Variants in FAM227B observed in about 807,000 individuals in gnomAD.
FAM227B encodes protein FAM227B.
Under a neutral mutation model 73.8 loss-of-function variants are expected in FAM227B, and 88 were observed. That is an observed-to-expected ratio of 1.19 (90% CI 1.00 to 1.42). The LOEUF is 1.42. FAM227B is among the 40% of genes most tolerant of loss of function. The probability of loss-of-function intolerance (pLI) is 0.00; values close to 1 mark genes in which losing one functional copy is unlikely to be tolerated. For synonymous variants in FAM227B, 210 were observed against 190.5 expected (o/e 1.10, Z -0.84); for missense variants, 632 against 590.9 (o/e 1.07, Z -0.72).
At chr15:49,613,992 G>A (rs1314650449) in intron 2 of FAM227B, among the ~76,000 whole-genome samples, 4 of 152,122 alleles carry the variant, frequency 2.6e-5, no homozygotes, top group South Asian at 2.1e-4. Flanking sequence ...TTGGCTAGAA[G>A]GAACTCACAA....
rs78070775 is a variant in FAM227B, at chr15:49,518,460, C to A, written c.875-10112G>T. ...ATTTCATACTGCTATGAAGAAAATA[C>A]CCCAGACTGGGTAATTTATCAAGAA... On this transcript the variant is annotated intron_variant, in intron 10 of 15. Coordinates refer to ENST00000299338, the MANE Select transcript of FAM227B (RefSeq NM_152647.3). Among the ~76,000 whole-genome samples the A allele has an allele frequency of 4.6e-3, 705 of 152,124 alleles. 4 individuals carry two copies. Among genetic ancestry groups the A allele is most frequent in the Middle Eastern group, 0.01 (3 of 294 alleles).
chr15:49,454,773 C>G (rs368755399), intron 11 of FAM227B, among the ~76,000 whole-genome samples: 2 of 152,076 alleles, frequency 1.3e-5, no homozygotes, highest in Non-Finnish European at 2.9e-5. Context: ...CCATGCCCCA[C>G]TAAATTTTTG....
Position 49,589,938 on chromosome 15 carries a change from CTTT to C in FAM227B, c.172_174del (p.Lys58del). 6.2e-7 allele frequency: 1 copy of C among 1,607,810 alleles called. No individual in the cohort carries two copies. Among genetic ancestry groups the C allele is most frequent in the Non-Finnish European group, 8.5e-7 (1 of 1,174,514 alleles). The stretch of plus-strand genomic sequence containing the variant: ...TAAATTGAAACAAATGAACTATCTT[CTTT>C]TATTTTTTTCAGAGTGCATGACCAT... On this transcript the variant is annotated inframe_deletion, in exon 4 of 16. Coordinates refer to ENST00000299338, the MANE Select transcript of FAM227B (RefSeq NM_152647.3).
At chr15:49,383,361 C>A (rs1303620833) in intron 11 of FAM227B, among the ~76,000 whole-genome samples, 2 of 152,046 alleles carry the variant, frequency 1.3e-5, no homozygotes, top group African/African-American at 4.8e-5. Flanking sequence ...CACTTCCTGT[C>A]TCTGTGTCAG....
chr15:49,501,756 G>A (rs2058155041), intron 11 of FAM227B, among the ~76,000 whole-genome samples: 1 of 152,144 alleles, frequency 6.6e-6, no homozygotes, highest in South Asian at 2.1e-4. Context: ...CAAGACAATG[G>A]GAAAAAGGCC....
intron 11 of FAM227B, chr15:49,395,911 A>C (rs529311133): frequency 1.5e-5 from 7 of 455,694 alleles, no homozygotes; most frequent in African/African-American, 1.4e-4. Flanking sequence ...CCAGGTTCTT[A>C]ATTTAAGGCC....
chr15:49,586,434 C>T (rs1270823735), intron 5 of FAM227B, among the ~76,000 whole-genome samples: 9 of 152,080 alleles, frequency 5.9e-5, no homozygotes. Context: ...ACTATGAAAA[C>T]CCTGGAAGAC....
At chr15:49,357,183 G>C (rs572217709) in intron 13 of FAM227B, among the ~76,000 whole-genome samples, 1 of 149,436 alleles carries the variant, frequency 6.7e-6, no homozygotes, top group South Asian at 2.1e-4. Context: ...AACTAGAAAA[G>C]CAAGAGCAAA....
chr15:49,585,407 G>A (rs2076089620), intron 5 of FAM227B, among the ~76,000 whole-genome samples: 1 of 152,184 alleles, frequency 6.6e-6, no homozygotes, highest in African/African-American at 2.4e-5. Flanking sequence ...GCTTACTGCG[G>A]CACTATTCAC....
At chr15:49,569,319 C>G (rs1246418860) in intron 8 of FAM227B, among the ~76,000 whole-genome samples, 1 of 151,732 alleles carries the variant, frequency 6.6e-6, no homozygotes, top group African/African-American at 2.4e-5. Context: ...AGAGACAGAA[C>G]TTCTAGTTTT....
chr15:49,455,407 A>C (rs914800894), intron 11 of FAM227B, among the ~76,000 whole-genome samples: 1 of 152,194 alleles, frequency 6.6e-6, no homozygotes, highest in Non-Finnish European at 1.5e-5. Flanking sequence ...AAATGCATAA[A>C]ACCCCAGCAT....
chr15:49,392,843 C>A (rs2098702311), intron 11 of FAM227B, among the ~76,000 whole-genome samples: 1 of 152,124 alleles, frequency 6.6e-6, no homozygotes, highest in Admixed American at 6.6e-5. Context: ...GACTTAATTT[C>A]CCCACAGATT....
At chr15:49,501,696 T>G (rs537607063) in intron 11 of FAM227B, among the ~76,000 whole-genome samples, 1 of 152,194 alleles carries the variant, frequency 6.6e-6, no homozygotes, top group African/African-American at 2.4e-5. Context: ...TTTGTAGCAA[T>G]GACTTGCTAG....
chr15:49,422,665 G>A (rs1337308585), intron 11 of FAM227B: 1 of 1,090,014 alleles, frequency 9.2e-7, no homozygotes, highest in Admixed American at 2.0e-5. Flanking sequence ...AGTCATACTG[G>A]TCATTAGTGG....
intron 11 of FAM227B, among the ~76,000 whole-genome samples, chr15:49,493,672 G>A (rs757374728): frequency 4.6e-5 from 7 of 151,916 alleles, no homozygotes; most frequent in South Asian, 4.2e-4. Flanking sequence ...ATAGAGGATG[G>A]ATAGGCATAC....
chr15:49,520,282 T>C (rs554277145), intron 10 of FAM227B, among the ~76,000 whole-genome samples: 18 of 152,126 alleles, frequency 1.2e-4, no homozygotes, highest in African/African-American at 4.3e-4. Context: ...TTCCAAACTT[T>C]CCCACATCTT....
chr15:49,417,499 A>C (rs1030524262), intron 11 of FAM227B, among the ~76,000 whole-genome samples: 6 of 152,130 alleles, frequency 3.9e-5, no homozygotes, highest in Non-Finnish European at 8.8e-5. Flanking sequence ...GAACAGAATG[A>C]GCCCAGAAAT....
chr15:49,453,935 T>G (rs1274267562), intron 11 of FAM227B, among the ~76,000 whole-genome samples: 1 of 152,160 alleles, frequency 6.6e-6, no homozygotes, highest in African/African-American at 2.4e-5. Flanking sequence ...CTAGCTCCCA[T>G]TTTTAATCAC....
chr15:49,383,403 A>C (rs1350976605), intron 11 of FAM227B, among the ~76,000 whole-genome samples: 3 of 152,086 alleles, frequency 2.0e-5, no homozygotes, highest in Admixed American at 6.6e-5. Context: ...TTTTAAATTA[A>C]GGTATGCACT....
Sources: gnomAD v4.1 joint callset for allele counts (sites outside exome capture counted in the v4.1 genomes callset) on GRCh38, gnomAD v4.1.1 for gene constraint, MANE v1.5 for transcripts, NCBI Gene and HGNC (gene_info 2026-07-23, HGNC 2026-07-21) for gene names.